The following RPTOR variants were observed in gnomAD, a reference collection of about 807,000 sequenced individuals.
RPTOR encodes the protein regulatory associated protein of MTOR complex 1, also known as regulatory-associated protein of mTOR.
Under a neutral mutation model 169.9 loss-of-function variants are expected in RPTOR, and 21 were observed. The observed-to-expected ratio is 0.12, with a 90% CI of 0.09 to 0.18. The LOEUF is 0.18. RPTOR is among the 10% of genes least tolerant of loss of function. The pLI is 1.00. For synonymous variants in RPTOR, 732 were observed against 753.2 expected (o/e 0.97, Z 0.46); for missense variants, 1,133 against 1,855.9 (o/e 0.61, Z 7.16).
At chr17:80,795,158 A>G (rs2067088749) in intron 7 of RPTOR, among the ~76,000 whole-genome samples, 1 of 152,232 alleles carries the variant, frequency 6.6e-6, no homozygotes, top group African/African-American at 2.4e-5. Flanking sequence ...ACAACAGGCC[A>G]TGGGCCTGGG....
chr17:80,886,132 C>T (rs1452720007), intron 17 of RPTOR, among the ~76,000 whole-genome samples: 2 of 152,216 alleles, frequency 1.3e-5, no homozygotes, highest in Non-Finnish European at 2.9e-5. Context: ...GTGTGGCTCC[C>T]TCTTGGAGAT....
rs1227646837 is a variant in RPTOR, at chr17:80,795,377, G to A, written c.890+3868G>A. Among the ~76,000 whole-genome samples the A allele has an allele frequency of 3.9e-5, 6 of 152,154 alleles. No individual in the cohort carries two copies. The East Asian group carries it at 1.2e-3, about 29-fold the overall frequency. On this transcript the variant is annotated intron_variant, in intron 7 of 33. Coordinates refer to ENST00000306801, the MANE Select transcript of RPTOR (RefSeq NM_020761.3). ...AGACGCCCTTTCCCTAAATCACGAT[G>A]TTAGCGTTTGCAGCCACTCGTGTTC...
intron 6 of RPTOR, among the ~76,000 whole-genome samples, chr17:80,777,253 AAAG>A: frequency 6.6e-6 from 1 of 151,094 alleles, no homozygotes; most frequent in African/African-American, 2.5e-5. Context: ...AAAAAAGAAA[AAAG>A]AAAGTGAAGG....
At chr17:80,723,571 C>T (rs2066304932) in intron 4 of RPTOR, among the ~76,000 whole-genome samples, 1 of 151,410 alleles carries the variant, frequency 6.6e-6, no homozygotes, top group Non-Finnish European at 1.5e-5. Context: ...TTCTCTACCA[C>T]AGCCCTGGAT....
chr17:80,554,204 T>A (rs1461050012), intron 1 of RPTOR, among the ~76,000 whole-genome samples: 1 of 152,096 alleles, frequency 6.6e-6, no homozygotes, highest in African/African-American at 2.4e-5. Context: ...TTTTTTGGAT[T>A]TTTTGTAGGG....
intron 21 of RPTOR, among the ~76,000 whole-genome samples, chr17:80,917,333 T>C (rs1320374416): frequency 1.3e-5 from 2 of 151,990 alleles, no homozygotes; most frequent in Non-Finnish European, 2.9e-5. Flanking sequence ...AGGCTGGTCT[T>C]GAACTCCCGA....
At position 80,893,765 on chromosome 17, in the gene RPTOR, C is replaced by T. The variant is rs2143878211; in HGVS notation, c.2301C>T (p.Ser767=). 1 of 1,604,366 alleles carries T rather than the reference C, an allele frequency of 6.2e-7. No individual in the cohort carries two copies. The highest frequency in any genetic ancestry group is 2.3e-5 in the East Asian group (1 of 43,918). ...TCAGCACCAGCAGCAGCGCCAGCAG[C>T]ACCCTGGGCAGCCCCGAGAATGAGG... is the stretch of plus-strand genomic sequence containing the variant. The part of the protein sequence containing the change: ...GNLSTSSSAS[S]TLGSPENEEH... Residue 767 remains serine (S), a synonymous_variant, in exon 20 of 34, where the codon AGC becomes AGT. Transcript: ENST00000306801.
intron 1 of RPTOR, among the ~76,000 whole-genome samples, chr17:80,583,487 A>G (rs1011729177): frequency 2.0e-5 from 3 of 152,138 alleles, no homozygotes; most frequent in Non-Finnish European, 4.4e-5. Flanking sequence ...CACTGCGCCC[A>G]GCTGTTCACT....
intron 17 of RPTOR, among the ~76,000 whole-genome samples, chr17:80,887,495 G>T (rs1028839239): frequency 2.0e-5 from 3 of 152,172 alleles, no homozygotes; most frequent in Admixed American, 1.3e-4. Flanking sequence ...ACGGTGCTCT[G>T]CAGGGGACTT....
At position 80,963,067 on chromosome 17, in the gene RPTOR, G is replaced by T; in HGVS notation, c.3939+10G>T. On this transcript the variant is annotated intron_variant, in intron 33 of 33. Coordinates refer to ENST00000306801, the MANE Select transcript of RPTOR (RefSeq NM_020761.3). ...CTTCCACCCGCACTGGGTCAGTGTG[G>T]CGGTGGGTGGGGGTCGGGGGTCGGG... The T allele has an allele frequency of 6.4e-7, 1 of 1,552,190 alleles. No individual in the cohort carries two copies.
In RPTOR at chr17:80,765,527, A is replaced by G. The variant is rs141677133; in HGVS notation, c.830+11342A>G. On this transcript the variant is annotated intron_variant, in intron 6 of 33. Coordinates refer to ENST00000306801, the MANE Select transcript of RPTOR (RefSeq NM_020761.3). ...CACTAATGCACTCATCTAACACCAC[A>G]CGCCTGTAAGGTTTGGACTGGCGTT... Among the ~76,000 whole-genome samples the G allele has an allele frequency of 8.4e-3, 1,272 of 152,176 alleles. 16 individuals are homozygous for G. The highest frequency in any genetic ancestry group is 0.028 in the African/African-American group (1,173 of 41,498).
chr17:80,828,211 A>C (rs987708903), intron 9 of RPTOR, among the ~76,000 whole-genome samples: 1 of 152,224 alleles, frequency 6.6e-6, no homozygotes, highest in African/African-American at 2.4e-5. Context: ...CTGATCAGGC[A>C]GAGACGAGCA....
intron 3 of RPTOR, among the ~76,000 whole-genome samples, chr17:80,691,944 C>T (rs998042553): frequency 4.6e-5 from 7 of 152,234 alleles, no homozygotes; most frequent in South Asian, 2.1e-4. Flanking sequence ...TGAACACCAA[C>T]GTAATTACCC....
In RPTOR at chr17:80,940,481, T is replaced by A; in HGVS notation, c.2920-15T>A. On this transcript the variant is annotated splice_polypyrimidine_tract_variant and intron_variant, in intron 24 of 33. Coordinates refer to ENST00000306801, the MANE Select transcript of RPTOR (RefSeq NM_020761.3). ...TTCATCGCTGGGCTTAACTGGGTGT[T>A]TTCTGTTGTTGAAGATCCCAGAAGA... 1 of 1,609,926 alleles carries A rather than the reference T, an allele frequency of 6.2e-7. No individual in the cohort carries two copies. Among genetic ancestry groups the A allele is most frequent in the Non-Finnish European group, 8.5e-7 (1 of 1,177,336 alleles).
chr17:80,907,239 G>A (rs2068555201), intron 20 of RPTOR, among the ~76,000 whole-genome samples: 1 of 152,240 alleles, frequency 6.6e-6, no homozygotes, highest in Non-Finnish European at 1.5e-5. Flanking sequence ...TCTCTATTTA[G>A]TGAACAAGCA....
At chr17:80,620,979 TA>T (rs2065349901) in intron 1 of RPTOR, among the ~76,000 whole-genome samples, 1 of 152,242 alleles carries the variant, frequency 6.6e-6, no homozygotes, top group African/African-American at 2.4e-5. Context: ...TTGTTTTCTT[TA>T]AAAGTATAAT....
chr17:80,691,605 C>A (rs9906827), intron 3 of RPTOR, among the ~76,000 whole-genome samples: 2 of 152,006 alleles, frequency 1.3e-5, no homozygotes, highest in African/African-American at 2.4e-5. Context: ...GCAGTTCTCG[C>A]GGTCCTCAAT....
At chr17:80,869,072 T>C (rs2068023800) in intron 13 of RPTOR, among the ~76,000 whole-genome samples, 1 of 152,248 alleles carries the variant, frequency 6.6e-6, no homozygotes, top group Non-Finnish European at 1.5e-5. Flanking sequence ...AATTTATATG[T>C]CGCTTATACA....
intron 1 of RPTOR, among the ~76,000 whole-genome samples, chr17:80,594,883 A>T (rs891903274): frequency 1.3e-5 from 2 of 152,162 alleles, no homozygotes; most frequent in Non-Finnish European, 2.9e-5. Flanking sequence ...TGTGACAACG[A>T]ATCCCTTTTT....
Sources: gnomAD v4.1 joint callset for allele counts (sites outside exome capture counted in the v4.1 genomes callset) on GRCh38, gnomAD v4.1.1 for gene constraint, MANE v1.5 for transcripts, NCBI Gene and HGNC (gene_info 2026-07-23, HGNC 2026-07-21) for gene names.